Variants in NAV2 observed in about 807,000 individuals in gnomAD.
NAV2 encodes the protein helicase, APC down-regulated 1.
A neutral mutation model predicts 223.2 loss-of-function variants in NAV2; 54 were observed. That is an observed-to-expected ratio of 0.24 (90% CI 0.19 to 0.30). The LOEUF (loss-of-function observed/expected upper bound fraction) is 0.30. NAV2 is among the 10% of genes least tolerant of loss of function. The pLI, the probability that NAV2 is intolerant of heterozygous loss-of-function variation, is 1.00. For synonymous variants in NAV2, 1,279 were observed against 1,239.3 expected (o/e 1.03, Z -0.67); for missense variants, 2,806 against 3,147.5 (o/e 0.89, Z 2.60).
chr11:20,060,938 A>G (rs2058663137), intron 19 of NAV2, among the ~76,000 whole-genome samples: 2 of 152,192 alleles, frequency 1.3e-5, no homozygotes, highest in African/African-American at 4.8e-5. Context: ...CTTATCAGCT[A>G]TCTTGTTGGC....
upstream of NAV2, among the ~76,000 whole-genome samples, chr11:19,348,321 G>A (rs77474281): frequency 0.019 from 2,893 of 152,184 alleles, 89 homozygotes; most frequent in African/African-American, 0.067. Flanking sequence ...TTTTGGCACC[G>A]GACTTTTTTT....
chr11:19,577,503 T>C (rs1245768218), intron 1 of NAV2, among the ~76,000 whole-genome samples: 4 of 152,254 alleles, frequency 2.6e-5, no homozygotes, highest in Non-Finnish European at 5.9e-5. Flanking sequence ...GCCCCCTAGA[T>C]GCTCAGTGTA....
chr11:19,595,406 T>C (rs1168253512), intron 1 of NAV2, among the ~76,000 whole-genome samples: 1 of 152,248 alleles, frequency 6.6e-6, no homozygotes, highest in Non-Finnish European at 1.5e-5. Flanking sequence ...TTAAGCACTT[T>C]ATAATATTAA....
rs1332343117 is a variant in NAV2, at chr11:19,615,926, TG to T, written c.76-216557del. ...GTCCACTGTTGGGGGGATCCTGACCTGTAGCCAGCCCCTACCCCTAACCCTG... is the reference window on the plus strand; with the variant it reads ...GTCCACTGTTGGGGGGATCCTGACCTTAGCCAGCCCCTACCCCTAACCCTG... On this transcript the variant is annotated intron_variant, in intron 1 of 37. Coordinates refer to the NAV2 transcript ENST00000360655. 3.9e-5 allele frequency among the ~76,000 whole-genome samples: 6 copies of T among 152,170 alleles called. No individual in the cohort carries two copies. In the East Asian group the frequency reaches 1.2e-3, roughly 29 times the overall value.
chr11:19,587,879 A>T (rs564434471), intron 1 of NAV2, among the ~76,000 whole-genome samples: 1 of 152,372 alleles, frequency 6.6e-6, no homozygotes, highest in East Asian at 1.9e-4. Context: ...GCCAGTGGAT[A>T]GCTCTTCTCC....
chr11:19,879,066 ACT>A (rs1213188852), intron 4 of NAV2, among the ~76,000 whole-genome samples: 1 of 151,884 alleles, frequency 6.6e-6, no homozygotes, highest in African/African-American at 2.4e-5. Flanking sequence ...ATCTGCTCAG[ACT>A]CTGGCCATCT....
chr11:19,979,267 T>C (rs1341812135), intron 10 of NAV2: 1 of 152,174 alleles, frequency 6.6e-6, no homozygotes, highest in East Asian at 1.9e-4. Flanking sequence ...AATCGAAAAG[T>C]CGACGTTCTC....
At chr11:19,884,983 A>G (rs763626417) in intron 5 of NAV2, among the ~76,000 whole-genome samples, 1 of 152,210 alleles carries the variant, frequency 6.6e-6, no homozygotes. Flanking sequence ...CTTGCTCACA[A>G]GCTAGTTCTC....
chr11:19,386,131 G>A (rs1427476727), intron 1 of NAV2, among the ~76,000 whole-genome samples: 1 of 152,144 alleles, frequency 6.6e-6, no homozygotes, highest in Non-Finnish European at 1.5e-5. Context: ...GTCTTAAATT[G>A]TACTTTGACA....
intron 11 of NAV2, among the ~76,000 whole-genome samples, chr11:20,001,297 G>C (rs1168635539): frequency 1.3e-5 from 2 of 152,098 alleles, no homozygotes; most frequent in Non-Finnish European, 2.9e-5. Context: ...AAAGGACCCC[G>C]TGCTATCCTT....
At chr11:20,025,251 G>T (rs1438442081) in intron 11 of NAV2, among the ~76,000 whole-genome samples, 1 of 152,192 alleles carries the variant, frequency 6.6e-6, no homozygotes, top group Non-Finnish European at 1.5e-5. Flanking sequence ...GCTTAGCATG[G>T]TACCTGGAAC....
chr11:19,842,717 C>T (rs1051323248), intron 2 of NAV2, among the ~76,000 whole-genome samples, 154 bp from the exon 3 acceptor site: 13 of 152,196 alleles, frequency 8.5e-5, no homozygotes, highest in African/African-American at 3.1e-4. Context: ...AGTCCTGAAG[C>T]TTGCTAGATG....
intron 1 of NAV2, among the ~76,000 whole-genome samples, chr11:19,824,842 C>A (rs544340557): frequency 6.6e-6 from 1 of 152,132 alleles, no homozygotes; most frequent in African/African-American, 2.4e-5. Flanking sequence ...TGGTGCATTT[C>A]GATTTTCTTA....
At chr11:19,457,668 G>C (rs1222019436) in intron 1 of NAV2, among the ~76,000 whole-genome samples, 2 of 152,192 alleles carry the variant, frequency 1.3e-5, no homozygotes, top group Admixed American at 6.5e-5. Flanking sequence ...GGGAGTGGGA[G>C]AGAGGAGAAC....
chr11:19,526,939 A>T (rs1273534160), intron 1 of NAV2, among the ~76,000 whole-genome samples: 2 of 152,136 alleles, frequency 1.3e-5, no homozygotes, highest in African/African-American at 4.8e-5. Flanking sequence ...AACATTCCTG[A>T]GGACATCCTA....
intron 1 of NAV2, chr11:19,511,467 A>C (rs1397782558): frequency 6.6e-6 from 1 of 152,200 alleles, no homozygotes; most frequent in Non-Finnish European, 1.5e-5. Flanking sequence ...TTCTGGGGTC[A>C]GGGGTGATTA....
intron 1 of NAV2, among the ~76,000 whole-genome samples, chr11:19,508,124 T>C (rs1313456913): frequency 6.6e-6 from 1 of 152,108 alleles, no homozygotes; most frequent in Non-Finnish European, 1.5e-5. Flanking sequence ...GGAGATTGTT[T>C]TAATAAGCAC....
intron 1 of NAV2, among the ~76,000 whole-genome samples, chr11:19,789,027 G>A (rs935195747): frequency 6.6e-6 from 1 of 151,874 alleles, no homozygotes; most frequent in African/African-American, 2.4e-5. Context: ...CTTTTAATGC[G>A]GCCCCACTGA....
At chr11:19,395,954 G>A (rs1184565701) in intron 1 of NAV2, among the ~76,000 whole-genome samples, 2 of 152,210 alleles carry the variant, frequency 1.3e-5, no homozygotes, top group Non-Finnish European at 2.9e-5. Flanking sequence ...TCCTTATGGA[G>A]TATAATCTAG....
Sources: gnomAD v4.1 joint callset for allele counts (sites outside exome capture counted in the v4.1 genomes callset) on GRCh38, gnomAD v4.1.1 for gene constraint, MANE v1.5 for transcripts, NCBI Gene and HGNC (gene_info 2026-07-23, HGNC 2026-07-21) for gene names.